Variants in OR9Q1 observed in about 807,000 individuals in gnomAD.
OR9Q1 encodes the protein olfactory receptor family 9 subfamily Q member 1.
For synonymous variants in OR9Q1, 153 were observed against 148.6 expected, an observed-to-expected ratio of 1.03 and a Z score of -0.22; for missense variants, 374 against 378.8, an observed-to-expected ratio of 0.99 and a Z score of 0.11.
intron 1 of OR9Q1, among the ~76,000 whole-genome samples, chr11:58,025,362 C>G (rs967850839): frequency 6.6e-6 from 1 of 152,168 alleles, no homozygotes; most frequent in Non-Finnish European, 1.5e-5. Flanking sequence ...CCACCATGAC[C>G]AGCTACTTTT....
At chr11:58,068,672 T>C (rs560919707) in intron 2 of OR9Q1, among the ~76,000 whole-genome samples, 45 of 152,316 alleles carry the variant, frequency 3.0e-4, no homozygotes, top group African/African-American at 9.9e-4. Context: ...TGTGATCATT[T>C]AGGTCATCAA....
chr11:58,053,260 A>G (rs1383550755), intron 1 of OR9Q1, among the ~76,000 whole-genome samples: 1 of 151,860 alleles, frequency 6.6e-6, no homozygotes, highest in Non-Finnish European at 1.5e-5. Flanking sequence ...GTGGAATACT[A>G]TGTAGCCATA....
At chr11:58,151,888 G>A (rs1172943176) in intron 2 of OR9Q1, among the ~76,000 whole-genome samples, 1 of 151,916 alleles carries the variant, frequency 6.6e-6, no homozygotes, top group East Asian at 1.9e-4. Flanking sequence ...TTCTTTTCCA[G>A]TTACAACAAT....
intron 2 of OR9Q1, among the ~76,000 whole-genome samples, chr11:58,149,045 T>A (rs1203997800): frequency 1.3e-5 from 2 of 152,172 alleles, no homozygotes; most frequent in African/African-American, 2.4e-5. Flanking sequence ...TTTGTTCTTA[T>A]TTAAAACATA....
chr11:58,075,010 C>CTGTT (rs1249017947), intron 2 of OR9Q1, among the ~76,000 whole-genome samples: 1 of 152,060 alleles, frequency 6.6e-6, no homozygotes. Flanking sequence ...TTACTGTAGC[C>CTGTT]TTGTAGTATA....
At chr11:58,119,292 T>C (rs1853999766) in intron 2 of OR9Q1, 1 of 1,613,846 alleles carries the variant, frequency 6.2e-7, no homozygotes, top group African/African-American at 1.3e-5. Flanking sequence ...GTTTGACATC[T>C]ACTTGGATTA....
At chr11:58,123,438 G>T (rs1015270774) in intron 2 of OR9Q1, among the ~76,000 whole-genome samples, 1 of 152,128 alleles carries the variant, frequency 6.6e-6, no homozygotes, top group Non-Finnish European at 1.5e-5. Flanking sequence ...AGACACAATT[G>T]TTCAAGGCTC....
At chr11:58,114,661 C>A (rs913020719) in intron 2 of OR9Q1, among the ~76,000 whole-genome samples, 5 of 152,172 alleles carry the variant, frequency 3.3e-5, no homozygotes, top group African/African-American at 1.2e-4. Context: ...AGCACTGTCA[C>A]CTTCATGCCA....
intron 2 of OR9Q1, chr11:58,125,324 A>G (rs1854080839): frequency 7.0e-6 from 1 of 143,372 alleles, no homozygotes. Flanking sequence ...TGGTCCTATC[A>G]GATGACAACT....
intron 2 of OR9Q1, among the ~76,000 whole-genome samples, chr11:58,088,055 G>T (rs189757817): frequency 6.6e-6 from 1 of 151,882 alleles, no homozygotes; most frequent in African/African-American, 2.4e-5. Context: ...AGGCCAGGCT[G>T]GTTTCGAACT....
chr11:58,040,601 T>C (rs1029808390), intron 1 of OR9Q1: 4 of 152,212 alleles, frequency 2.6e-5, no homozygotes, highest in Non-Finnish European at 5.9e-5. Context: ...AAGGACAATA[T>C]TATTTGCAAA....
At chr11:58,044,973 C>A (rs1463869400) in intron 1 of OR9Q1, 1 of 152,150 alleles carries the variant, frequency 6.6e-6, no homozygotes, top group Non-Finnish European at 1.5e-5. Context: ...GAAAATTCCA[C>A]ACCTGACTTG....
intron 2 of OR9Q1, among the ~76,000 whole-genome samples, chr11:58,174,328 A>G (rs1354654210): frequency 1.3e-5 from 2 of 152,266 alleles, no homozygotes; most frequent in African/African-American, 4.8e-5. Flanking sequence ...ATTGTGAATC[A>G]AGCTGCAGCT....
intron 2 of OR9Q1, among the ~76,000 whole-genome samples, chr11:58,163,549 C>G (rs571994507): frequency 5.3e-5 from 8 of 152,178 alleles, no homozygotes; most frequent in Non-Finnish European, 1.0e-4. Context: ...AAGGTCATGC[C>G]AACTTGCTGT....
intron 2 of OR9Q1, among the ~76,000 whole-genome samples, chr11:58,176,094 G>C (rs551187322): frequency 6.6e-6 from 1 of 152,344 alleles, no homozygotes; most frequent in South Asian, 2.1e-4. Flanking sequence ...TGAGGTTTCT[G>C]TGTAGGGTAC....
intron 2 of OR9Q1, among the ~76,000 whole-genome samples, chr11:58,067,852 C>A (rs1300377717): frequency 6.6e-6 from 1 of 152,194 alleles, no homozygotes; most frequent in Admixed American, 6.5e-5. Flanking sequence ...GGTGGCCCTG[C>A]AGAAACGGGG....
At chr11:58,155,066 T>G (rs1449269504) in intron 2 of OR9Q1, among the ~76,000 whole-genome samples, 1 of 152,226 alleles carries the variant, frequency 6.6e-6, no homozygotes, top group Non-Finnish European at 1.5e-5. Context: ...TCTAGATTTA[T>G]TTTAGAGAAT....
intron 2 of OR9Q1, among the ~76,000 whole-genome samples, chr11:58,057,447 G>C (rs1196021425): frequency 1.3e-5 from 2 of 152,106 alleles, no homozygotes; most frequent in African/African-American, 4.8e-5. Flanking sequence ...TTTGTCCTCT[G>C]AACTCTATTT....
In OR9Q1 at chr11:58,065,168, AG is replaced by A. The variant is rs200180343; in HGVS notation, c.-15+9223del. The stretch of plus-strand genomic sequence containing the variant: ...AACAGGAAGACACATGGACTGGGAT[AG>A]GTTATTCAGATGCAGAAACAGTCAG... On this transcript the variant is annotated intron_variant, in intron 2 of 2. Coordinates refer to ENST00000335397, the MANE Select transcript of OR9Q1 (RefSeq NM_001005212.4). 3.7e-4 allele frequency among the ~76,000 whole-genome samples: 56 copies of A among 152,338 alleles called. No homozygotes were observed. The East Asian group carries it at 8.9e-3, about 24-fold the overall frequency.
Sources: gnomAD v4.1 joint callset for allele counts (sites outside exome capture counted in the v4.1 genomes callset) on GRCh38, gnomAD v4.1.1 for gene constraint, MANE v1.5 for transcripts, NCBI Gene and HGNC (gene_info 2026-07-23, HGNC 2026-07-21) for gene names.